The following DAB1 variants were observed in gnomAD, a reference collection of about 807,000 sequenced individuals.
DAB1 encodes DAB adaptor protein 1.
In DAB1, 15 loss-of-function variants were observed where a neutral mutation model predicts 64.6. That is an observed-to-expected ratio of 0.23 (90% CI 0.16 to 0.36). The LOEUF is 0.36. DAB1 is among the 10% of genes least tolerant of loss of function. The pLI is 1.00. For synonymous variants in DAB1, 235 were observed against 251.9 expected, an observed-to-expected ratio of 0.93 and a Z score of 0.64; for missense variants, 596 against 706.7, an observed-to-expected ratio of 0.84 and a Z score of 1.78.
chr1:58,053,623 C>G (rs1200644151), intron 5 of DAB1, among the ~76,000 whole-genome samples: 2 of 152,094 alleles, frequency 1.3e-5, no homozygotes, highest in Non-Finnish European at 2.9e-5. Flanking sequence ...AATATCTAAA[C>G]CATAGCAGAT....
At chr1:58,171,883 G>T (rs1231478316) in intron 4 of DAB1, among the ~76,000 whole-genome samples, 1 of 152,242 alleles carries the variant, frequency 6.6e-6, no homozygotes, top group African/African-American at 2.4e-5. Flanking sequence ...TGAAGGCCCA[G>T]CTTTGCCTAC....
intron 5 of DAB1, among the ~76,000 whole-genome samples, chr1:58,080,847 T>A (rs961804570): frequency 2.0e-5 from 3 of 152,206 alleles, no homozygotes; most frequent in African/African-American, 4.8e-5. Context: ...GCAACTGATG[T>A]TTGCTATCAT....
intron 2 of DAB1, among the ~76,000 whole-genome samples, chr1:57,232,167 T>A (rs1667724979): frequency 6.6e-6 from 1 of 152,100 alleles, no homozygotes; most frequent in Non-Finnish European, 1.5e-5. Context: ...CTTTAGGTTT[T>A]TATATGACAT....
At chr1:57,026,930 T>C (rs2100399853) in intron 9 of DAB1, among the ~76,000 whole-genome samples, 1 of 152,332 alleles carries the variant, frequency 6.6e-6, no homozygotes, top group East Asian at 1.9e-4. Flanking sequence ...GACAAGTATG[T>C]AATCACATGC....
At chr1:57,553,426 G>GAAAA (rs1355682742) in intron 7 of DAB1, among the ~76,000 whole-genome samples, 6 of 18,204 alleles carry the variant, frequency 3.3e-4, no homozygotes, top group South Asian at 6.3e-3. Flanking sequence ...AAGAAAGAAA[G>GAAAA]AAAGAAAGAA....
intron 7 of DAB1, among the ~76,000 whole-genome samples, chr1:57,530,033 C>A (rs2101412254): frequency 6.6e-6 from 1 of 151,960 alleles, no homozygotes; most frequent in Middle Eastern, 3.4e-3. Context: ...CTAACACAGC[C>A]CCTTATGATT....
At chr1:57,396,166 G>T (rs1400723848) in intron 1 of DAB1, among the ~76,000 whole-genome samples, 1 of 152,176 alleles carries the variant, frequency 6.6e-6, no homozygotes, top group Non-Finnish European at 1.5e-5. Flanking sequence ...CACACACCAT[G>T]CTGTGCTTCC....
intron 4 of DAB1, among the ~76,000 whole-genome samples, chr1:57,122,190 G>A (rs1001681075): frequency 1.3e-5 from 2 of 152,156 alleles, no homozygotes; most frequent in African/African-American, 2.4e-5. Flanking sequence ...TTATCACACT[G>A]TTGTGTAATT....
intron 5 of DAB1, among the ~76,000 whole-genome samples, chr1:58,143,085 A>T (rs905608852): frequency 2.0e-5 from 3 of 152,204 alleles, no homozygotes; most frequent in African/African-American, 7.2e-5. Flanking sequence ...GAGTTTCAGT[A>T]GGCCCTCCAG....
At chr1:57,150,324 C>T (rs1659538873) in intron 2 of DAB1, among the ~76,000 whole-genome samples, 1 of 152,204 alleles carries the variant, frequency 6.6e-6, no homozygotes, top group Non-Finnish European at 1.5e-5. Flanking sequence ...GCCCCAGAAA[C>T]TTTTGTACTG....
intron 3 of DAB1, among the ~76,000 whole-genome samples, chr1:58,409,143 CTG>C (rs1159543277): frequency 6.6e-6 from 1 of 151,880 alleles, no homozygotes; most frequent in African/African-American, 2.4e-5. Context: ...CACAAAAACT[CTG>C]TTAAGTATCC....
intron 14 of DAB1, among the ~76,000 whole-genome samples, chr1:56,999,481 T>A (rs1261449107): frequency 1.3e-5 from 2 of 152,224 alleles, no homozygotes; most frequent in African/African-American, 4.8e-5. Context: ...TCATGTCTTA[T>A]TTATCTGCCT....
At chr1:57,251,040 T>C (rs1240132142) in intron 2 of DAB1, among the ~76,000 whole-genome samples, 1 of 152,208 alleles carries the variant, frequency 6.6e-6, no homozygotes. Context: ...CATTATTTGT[T>C]TGAAAGAACA....
At chr1:57,175,701 T>C (rs1287685960) in intron 2 of DAB1, among the ~76,000 whole-genome samples, 1 of 152,198 alleles carries the variant, frequency 6.6e-6, no homozygotes, top group East Asian at 1.9e-4. Flanking sequence ...CTCAGAAAGA[T>C]AACAGTCCTC....
At chr1:58,090,086 TTTC>T (rs1324748721) in intron 5 of DAB1, among the ~76,000 whole-genome samples, 1 of 152,178 alleles carries the variant, frequency 6.6e-6, no homozygotes, top group Non-Finnish European at 1.5e-5. Context: ...TTGAACAATA[TTTC>T]TCTTTGATCT....
chr1:58,138,862 T>C (rs1293824592), intron 5 of DAB1, among the ~76,000 whole-genome samples: 1 of 151,996 alleles, frequency 6.6e-6, no homozygotes, highest in Non-Finnish European at 1.5e-5. Context: ...TTTGGATCAA[T>C]GGATGAGTGA....
At chr1:57,072,193 TGA>T in intron 5 of DAB1, 88 bp downstream of exon 5, 2 of 1,411,358 alleles carry the variant, frequency 1.4e-6, no homozygotes, top group South Asian at 2.5e-5. Context: ...TGGTCATATC[TGA>T]GAGTGGGCCC....
intron 3 of DAB1, among the ~76,000 whole-genome samples, chr1:58,352,165 T>C (rs1886307): frequency 0.5 from 76,390 of 151,558 alleles, 19,242 homozygotes; most frequent in East Asian, 0.59. Flanking sequence ...ACAGTGCACA[T>C]GCATAGGAAG....
upstream of DAB1, among the ~76,000 whole-genome samples, chr1:57,424,333 ACGAG>A (rs548471057): frequency 7.1e-4 from 103 of 145,020 alleles, no homozygotes; most frequent in East Asian, 0.017. Flanking sequence ...AGGTGGAAGA[ACGAG>A]CGAGCGAGCG....
Sources: allele counts gnomAD v4.1 joint callset (sites outside exome capture counted in the v4.1 genomes callset), GRCh38; gene constraint gnomAD v4.1.1; transcripts MANE v1.5; gene names NCBI Gene and HGNC (gene_info 2026-07-23, HGNC 2026-07-21).